The following CEPT1 variants were observed in gnomAD, a reference collection of about 807,000 sequenced individuals.
CEPT1 encodes choline/ethanolaminephosphotransferase 1.
A neutral mutation model predicts 42.6 loss-of-function variants in CEPT1; 7 were observed. The ratio of observed to expected loss-of-function variants is 0.16; its 90% CI spans 0.09 to 0.31. CEPT1 has a LOEUF of 0.31. CEPT1 is among the 10% of genes least tolerant of loss of function. The pLI is 1.00. For missense variants in CEPT1, 306 were observed against 502.1 expected (o/e 0.61, Z 3.73); for synonymous variants, 171 against 171.9 (o/e 0.99, Z 0.04).
chr1:111,159,794 C>G (rs531027723), intron 3 of CEPT1: 1 of 279,384 alleles, frequency 3.6e-6, no homozygotes, highest in South Asian at 4.4e-5. Flanking sequence ...TTGTCACCAT[C>G]AAAACTCTTA....
chr1:111,146,222 T>C (rs1368008863), intron 1 of CEPT1, among the ~76,000 whole-genome samples: 1 of 152,258 alleles, frequency 6.6e-6, no homozygotes. Flanking sequence ...AACCAGACTT[T>C]AGCTTTTAAG....
At position 111,183,310 on chromosome 1, in the gene CEPT1, G is replaced by A. The variant is rs79648100; in HGVS notation, c.1006-152G>A. On this transcript the variant is annotated intron_variant, in intron 7 of 8. Coordinates refer to ENST00000357172, the MANE Select transcript of CEPT1 (RefSeq NM_006090.5). ...TGATACATCCCTTTCTTTCTCAGAC[G>A]CATTTCATATTGTTGGGTTTTTAGT... 1,408 of 810,862 alleles carry A rather than the reference G, an allele frequency of 1.7e-3. 16 individuals carry two copies. In the African/African-American group the frequency reaches 0.021, roughly 12 times the overall value. The allele number at this position is 810,862 out of a possible 1,614,324, so 50.2% of individuals were successfully genotyped here. A position where few individuals can be genotyped will look rare whatever the true frequency, so the allele number is the denominator to read the frequency against.
chr1:111,157,286 A>G (rs1655622126), intron 2 of CEPT1, among the ~76,000 whole-genome samples: 1 of 152,108 alleles, frequency 6.6e-6, no homozygotes, highest in Non-Finnish European at 1.5e-5. Context: ...CCCCATTAAA[A>G]TCTTAAGCTT....
chr1:111,141,112 T>G (rs977214456), intron 1 of CEPT1, among the ~76,000 whole-genome samples: 4 of 152,362 alleles, frequency 2.6e-5, no homozygotes, highest in South Asian at 2.1e-4. Context: ...AAATTCATAG[T>G]TGTCTTTCAA....
chr1:111,142,301 TCTC>T (rs1228936456), intron 1 of CEPT1, among the ~76,000 whole-genome samples: 1 of 152,194 alleles, frequency 6.6e-6, no homozygotes, highest in Non-Finnish European at 1.5e-5. Context: ...TTTTCCTAGT[TCTC>T]CTCTGGACTT....
At chr1:111,165,765 C>T (rs900407179) in intron 4 of CEPT1, among the ~76,000 whole-genome samples, 8 of 152,242 alleles carry the variant, frequency 5.3e-5, no homozygotes, top group African/African-American at 1.9e-4. Context: ...AACCCTGTCA[C>T]CAAATGTTTA....
In CEPT1 at chr1:111,144,110, G is replaced by C. The variant is rs115840369; in HGVS notation, c.-73-3532G>C. Among the ~76,000 whole-genome samples, 932 of 152,188 alleles carry C rather than the reference G, an allele frequency of 6.1e-3. 12 individuals are homozygous for C. Among genetic ancestry groups the C allele is most frequent in the African/African-American group, 0.021 (862 of 41,520 alleles). ...TTTTCCTTTCTCGCCACATTGTCCTGATCTTCCTGTTGTAGCCACCTACCC... is the reference window on the plus strand; with the variant it reads ...TTTTCCTTTCTCGCCACATTGTCCTCATCTTCCTGTTGTAGCCACCTACCC... On this transcript the variant is annotated intron_variant, in intron 1 of 8. Coordinates refer to ENST00000357172, the MANE Select transcript of CEPT1 (RefSeq NM_006090.5).
At chr1:111,174,340 G>C (rs1571150361) in intron 4 of CEPT1, among the ~76,000 whole-genome samples, 1 of 151,912 alleles carries the variant, frequency 6.6e-6, no homozygotes, top group African/African-American at 2.4e-5. Context: ...AGTAAGAATA[G>C]GAATTTGAGA....
intron 2 of CEPT1, among the ~76,000 whole-genome samples, chr1:111,152,648 T>G (rs1655342766): frequency 6.6e-6 from 1 of 152,220 alleles, no homozygotes; most frequent in African/African-American, 2.4e-5. Context: ...AAATTCAGGT[T>G]AGTGGGTACT....
chr1:111,160,854 G>A (rs1655829458), intron 3 of CEPT1: 1 of 342,202 alleles, frequency 2.9e-6, no homozygotes, highest in Non-Finnish European at 5.4e-6. Context: ...ATGATTTGCT[G>A]ATCATTAGTA....
At chr1:111,152,315 C>T (rs1655321125) in intron 2 of CEPT1, among the ~76,000 whole-genome samples, 1 of 103,390 alleles carries the variant, frequency 9.7e-6, no homozygotes, top group African/African-American at 4.5e-5. Flanking sequence ...CTTATGTTGA[C>T]ATTGAAAAGT....
chr1:111,140,764 T>C (rs1654457120), intron 1 of CEPT1, among the ~76,000 whole-genome samples: 1 of 152,194 alleles, frequency 6.6e-6, no homozygotes, highest in Non-Finnish European at 1.5e-5. Flanking sequence ...CGGGTTTGTC[T>C]CCCCTTAGGA....
chr1:111,182,741 T>C (rs1435016826), intron 6 of CEPT1, 58 bp from the exon 7 acceptor site: 2 of 1,460,504 alleles, frequency 1.4e-6, no homozygotes, highest in Non-Finnish European at 1.9e-6. Context: ...CTGCAGCAGA[T>C]CCATGTAGTA....
At chr1:111,158,306 C>T (rs1214191814) in intron 2 of CEPT1, among the ~76,000 whole-genome samples, 3 of 152,110 alleles carry the variant, frequency 2.0e-5, no homozygotes, top group African/African-American at 7.2e-5. Flanking sequence ...TAAGCCAAGA[C>T]TGCACCACTG....
chr1:111,156,646 C>T (rs1365180339), intron 2 of CEPT1, among the ~76,000 whole-genome samples: 1 of 152,190 alleles, frequency 6.6e-6, no homozygotes, highest in Non-Finnish European at 1.5e-5. Context: ...TCCTTGGCTG[C>T]ATGCAGTGCA....
At chr1:111,161,571 TCA>T (rs1490025042) in intron 4 of CEPT1, among the ~76,000 whole-genome samples, 1 of 152,144 alleles carries the variant, frequency 6.6e-6, no homozygotes, top group Non-Finnish European at 1.5e-5. Flanking sequence ...ACAGAAAAAT[TCA>T]CTTTTTTTCC....
intron 2 of CEPT1, among the ~76,000 whole-genome samples, chr1:111,153,683 A>G (rs1322608009): frequency 1.3e-5 from 2 of 152,142 alleles, no homozygotes; most frequent in Non-Finnish European, 2.9e-5. Context: ...ATTTTTCTGC[A>G]TGTGGATATT....
At chr1:111,178,693 T>C (rs1656824170) in intron 5 of CEPT1, 2 of 152,196 alleles carry the variant, frequency 1.3e-5, no homozygotes, top group South Asian at 4.1e-4. Flanking sequence ...TTACTTTTAC[T>C]GATGCTTGAG....
chr1:111,165,068 G>GAC (rs1656071979), intron 4 of CEPT1, among the ~76,000 whole-genome samples: 1 of 17,224 alleles, frequency 5.8e-5, no homozygotes, highest in Admixed American at 5.6e-4. Flanking sequence ...TTTTTTTTTT[G>GAC]AGACGGAGTC....
Sources: allele counts gnomAD v4.1 joint callset (sites outside exome capture counted in the v4.1 genomes callset), GRCh38; gene constraint gnomAD v4.1.1; transcripts MANE v1.5; gene names NCBI Gene and HGNC (gene_info 2026-07-23, HGNC 2026-07-21).